Variants in CRACDL observed in about 807,000 individuals in gnomAD.
The protein encoded by CRACDL is CRACD-like protein.
Under a neutral mutation model 70.6 loss-of-function variants are expected in CRACDL, and 26 were observed. The ratio of observed to expected loss-of-function variants is 0.37; its 90% CI spans 0.27 to 0.51. The LOEUF (loss-of-function observed/expected upper bound fraction) is 0.51, where lower values mean the gene tolerates loss of function less well. Ranked by LOEUF, CRACDL falls within the 20% of genes least tolerant of loss-of-function variation. The pLI is 0.94. For synonymous variants in CRACDL, 618 were observed against 615.2 expected, an observed-to-expected ratio of 1.00 and a Z score of -0.07; for missense variants, 1,283 against 1,376.9, an observed-to-expected ratio of 0.93 and a Z score of 1.08.
At chr2:98,835,664 C>G (rs1705745139) in intron 3 of CRACDL, among the ~76,000 whole-genome samples, 1 of 151,942 alleles carries the variant, frequency 6.6e-6, no homozygotes, top group Admixed American at 6.6e-5. Context: ...GCTAGGGGGC[C>G]ACGTCATTAC....
chr2:98,828,814 C>T (rs193003005), intron 5 of CRACDL, among the ~76,000 whole-genome samples: 3 of 152,268 alleles, frequency 2.0e-5, no homozygotes, highest in Admixed American at 6.5e-5. Context: ...AAAAATAAGC[C>T]GCAAGTCTCC....
chr2:98,889,487 CAT>C (rs1436052110), intron 1 of CRACDL, among the ~76,000 whole-genome samples: 1 of 152,096 alleles, frequency 6.6e-6, no homozygotes, highest in Admixed American at 6.6e-5. Context: ...CAACCACACA[CAT>C]ATGTGCATCT....
chr2:98,812,171 C>T (rs2104438957), intron 7 of CRACDL, among the ~76,000 whole-genome samples: 1 of 152,290 alleles, frequency 6.6e-6, no homozygotes, highest in African/African-American at 2.4e-5. Flanking sequence ...CATGGGGTTT[C>T]ACCATGTTGG....
At chr2:98,884,002 G>A (rs113949494) in intron 1 of CRACDL, among the ~76,000 whole-genome samples, 13 of 152,304 alleles carry the variant, frequency 8.5e-5, no homozygotes, top group African/African-American at 2.6e-4. Context: ...AAATAGTGCC[G>A]CCCACAGGAG....
chr2:98,887,941 C>T (rs369811959), intron 1 of CRACDL, among the ~76,000 whole-genome samples: 5 of 152,232 alleles, frequency 3.3e-5, no homozygotes, highest in South Asian at 4.1e-4. Flanking sequence ...AATTGCTTAA[C>T]GAGTATAGAG....
At chr2:98,903,685 A>G (rs1708338562) in intron 1 of CRACDL, among the ~76,000 whole-genome samples, 1 of 152,206 alleles carries the variant, frequency 6.6e-6, no homozygotes, top group African/African-American at 2.4e-5. Flanking sequence ...TTTGCATCTG[A>G]TTAACCTCAA....
At chr2:98,894,353 C>T (rs939280797) in intron 1 of CRACDL, among the ~76,000 whole-genome samples, 2 of 151,564 alleles carry the variant, frequency 1.3e-5, no homozygotes, top group Non-Finnish European at 2.9e-5. Flanking sequence ...TGTGAATTAG[C>T]ACACAGAAGC....
At chr2:98,878,768 C>T (rs1225854625) in intron 1 of CRACDL, among the ~76,000 whole-genome samples, 2 of 152,188 alleles carry the variant, frequency 1.3e-5, no homozygotes, top group African/African-American at 4.8e-5. Flanking sequence ...GTGGCAAACG[C>T]ATGGCTGACT....
intron 1 of CRACDL, among the ~76,000 whole-genome samples, chr2:98,924,459 A>C (rs1708869471): frequency 6.6e-6 from 1 of 152,240 alleles, no homozygotes; most frequent in Non-Finnish European, 1.5e-5. Flanking sequence ...ATATCCCTTA[A>C]GTACCTAACA....
At chr2:98,863,113 T>G (rs1707002697) in intron 1 of CRACDL, among the ~76,000 whole-genome samples, 1 of 152,082 alleles carries the variant, frequency 6.6e-6, no homozygotes, top group Non-Finnish European at 1.5e-5. Flanking sequence ...ATAATCAAAC[T>G]GTTGAAAGCC....
intron 1 of CRACDL, among the ~76,000 whole-genome samples, chr2:98,880,136 C>A (rs1413656856): frequency 6.6e-6 from 1 of 152,200 alleles, no homozygotes; most frequent in African/African-American, 2.4e-5. Context: ...TGTAATCCTC[C>A]TATTGGTACA....
chr2:98,929,276 C>T (rs1346053116), intron 1 of CRACDL, among the ~76,000 whole-genome samples: 1 of 152,184 alleles, frequency 6.6e-6, no homozygotes, highest in Non-Finnish European at 1.5e-5. Context: ...ATGCCGCCTG[C>T]ACAGAAGGGA....
At chr2:98,802,712 C>A (rs1203144936) in intron 7 of CRACDL, among the ~76,000 whole-genome samples, 1 of 152,210 alleles carries the variant, frequency 6.6e-6, no homozygotes, top group South Asian at 2.1e-4. Context: ...CAGGGTGGGA[C>A]CCCAATGGTG....
chr2:98,794,667 C>A lies in CRACDL; in HGVS notation c.2754G>T (p.Gln918His). The A allele has an allele frequency of 6.2e-7, 1 of 1,610,642 alleles. No homozygotes were observed. Among genetic ancestry groups the A allele is most frequent in the Non-Finnish European group, 8.5e-7 (1 of 1,177,538 alleles). Reference sequence around the variant, plus strand: ...GTTCCTTCTCCATCATCACTGCAGACTGAGCTGCTTGGAAGGGAGACAAAA... The same window carrying A: ...GTTCCTTCTCCATCATCACTGCAGAATGAGCTGCTTGGAAGGGAGACAAAA... ...GISLSHQNLA[Q>H]SAVMMEKELH... The change falls in exon 10 of 10, where the codon CAG (glutamine) becomes CAT (histidine). Residue 918 changes from glutamine to histidine, a missense_variant. Coordinates refer to ENST00000397899, the MANE Select transcript of CRACDL (RefSeq NM_207362.3).
At chr2:98,861,522 G>A (rs1239968829) in intron 1 of CRACDL, among the ~76,000 whole-genome samples, 1 of 152,164 alleles carries the variant, frequency 6.6e-6, no homozygotes, top group Non-Finnish European at 1.5e-5. Flanking sequence ...GCTTGGCAGT[G>A]CCTCAAAATG....
chr2:98,848,702 GC>G (rs1047491921), intron 1 of CRACDL, among the ~76,000 whole-genome samples: 1 of 151,990 alleles, frequency 6.6e-6, no homozygotes, highest in Non-Finnish European at 1.5e-5. Context: ...TCCCACCTCA[GC>G]CCCCCCACAA....
intron 1 of CRACDL, among the ~76,000 whole-genome samples, chr2:98,893,475 G>A (rs568643284): frequency 1.3e-5 from 2 of 152,026 alleles, no homozygotes; most frequent in East Asian, 1.9e-4. Context: ...TAGTAGAGAC[G>A]GGGTTTCAAC....
At chr2:98,915,862 G>A (rs1192327111) in intron 1 of CRACDL, among the ~76,000 whole-genome samples, 2 of 152,120 alleles carry the variant, frequency 1.3e-5, no homozygotes, top group Non-Finnish European at 2.9e-5. Context: ...CCAAATCAAA[G>A]CTCTGACCAT....
intron 1 of CRACDL, among the ~76,000 whole-genome samples, chr2:98,902,775 G>T (rs573822130): frequency 6.6e-6 from 1 of 152,028 alleles, no homozygotes; most frequent in Non-Finnish European, 1.5e-5. Context: ...AGTCACCCCC[G>T]ATCTCAGTAT....
Sources: gnomAD v4.1 joint callset for allele counts (sites outside exome capture counted in the v4.1 genomes callset) on GRCh38, gnomAD v4.1.1 for gene constraint, MANE v1.5 for transcripts, NCBI Gene and HGNC (gene_info 2026-07-23, HGNC 2026-07-21) for gene names.